Variants in MAN1C1 observed in about 807,000 individuals in gnomAD.
The protein encoded by MAN1C1 is mannosyl-oligosaccharide 1,2-alpha-mannosidase IC.
MAN1C1 carries 49 observed loss-of-function variants against 71.5 expected under a neutral mutation model. The ratio of observed to expected loss-of-function variants is 0.69; its 90% confidence interval spans 0.54 to 0.87. MAN1C1 has a LOEUF of 0.87. MAN1C1 is among the 40% of genes least tolerant of loss of function. The pLI is 0.00. For missense variants in MAN1C1, 743 were observed against 835.0 expected, an observed-to-expected ratio of 0.89 and a Z score of 1.36; for synonymous variants, 352 against 343.7, an observed-to-expected ratio of 1.02 and a Z score of -0.27.
chr1:25,770,594 C>T (rs540749065), intron 7 of MAN1C1, among the ~76,000 whole-genome samples: 18 of 152,302 alleles, frequency 1.2e-4, no homozygotes, highest in African/African-American at 4.3e-4. Context: ...GAAATGGGGC[C>T]GATAGCACCT....
chr1:25,686,417 C>G (rs761624331), intron 1 of MAN1C1, 23 bp from the exon 2 acceptor site: 1 of 1,609,140 alleles, frequency 6.2e-7, no homozygotes, highest in Admixed American at 1.7e-5. Context: ...CTGAGGTTCT[C>G]TCTATGCTGC....
At chr1:25,639,009 A>G (rs1303104938) in intron 1 of MAN1C1, among the ~76,000 whole-genome samples, 1 of 152,102 alleles carries the variant, frequency 6.6e-6, no homozygotes, top group Non-Finnish European at 1.5e-5. Context: ...ATATCATCCT[A>G]GAGGTCACTG....
At chr1:25,743,606 C>G (rs2047089645) in intron 2 of MAN1C1, among the ~76,000 whole-genome samples, 1 of 152,222 alleles carries the variant, frequency 6.6e-6, no homozygotes, top group Non-Finnish European at 1.5e-5. Context: ...ATTCAGGAGC[C>G]TGAGAGCAGG....
At chr1:25,688,652 G>C (rs540342284) in intron 2 of MAN1C1, among the ~76,000 whole-genome samples, 1 of 152,174 alleles carries the variant, frequency 6.6e-6, no homozygotes, top group African/African-American at 2.4e-5. Flanking sequence ...GAAAGAACCC[G>C]GAATTAGAAT....
chr1:25,762,124 TTTC>T (rs1221672703), intron 6 of MAN1C1, among the ~76,000 whole-genome samples: 11,726 of 102,582 alleles, frequency 0.11, 552 homozygotes, highest in African/African-American at 0.2. Flanking sequence ...TTTCTTTTCT[TTTC>T]TTTTTTTTTT....
At chr1:25,747,342 GA>G (rs2047144312) in intron 3 of MAN1C1, among the ~76,000 whole-genome samples, 1 of 152,244 alleles carries the variant, frequency 6.6e-6, no homozygotes, top group Non-Finnish European at 1.5e-5. Flanking sequence ...GAGCCTTTCA[GA>G]GGGAATGGTC....
At position 25,778,014 on chromosome 1, in the gene MAN1C1, G is replaced by A. The variant is rs2047641051; in HGVS notation, c.1258-91G>A. Reference sequence around the variant, plus strand: ...GCTTGGCAGAGCTGCCCTTGCTACTGTCTCCAAAATGTTCATTTTCCATCC... The same window carrying A: ...GCTTGGCAGAGCTGCCCTTGCTACTATCTCCAAAATGTTCATTTTCCATCC... On this transcript the variant is annotated intron_variant, in intron 8 of 11. Transcript: ENST00000374332. The surrounding 1 kb of genome is among the most constrained non-coding windows in gnomAD (Gnocchi z 5.5). The A allele has an allele frequency of 2.0e-6, 2 of 1,009,642 alleles. No homozygotes were observed. Among genetic ancestry groups the A allele is most frequent in the African/African-American group, 1.6e-5 (1 of 61,702 alleles). The allele number at this position is 1,009,642 out of a possible 1,614,324, so 62.5% of individuals were successfully genotyped here. A position where few individuals can be genotyped will look rare whatever the true frequency, so the allele number is the denominator to read the frequency against.
At chr1:25,781,382 T>C in intron 10 of MAN1C1, 3 of 373,852 alleles carry the variant, frequency 8.0e-6, no homozygotes, top group Non-Finnish European at 1.5e-5. Context: ...CTCAGCAAAC[T>C]TAGAGGGTCA....
intron 2 of MAN1C1, among the ~76,000 whole-genome samples, chr1:25,710,375 T>G (rs1248465932): frequency 6.6e-6 from 1 of 151,380 alleles, no homozygotes; most frequent in Non-Finnish European, 1.5e-5. Flanking sequence ...TTCACTGTGC[T>G]TGTTGTTGTT....
intron 1 of MAN1C1, among the ~76,000 whole-genome samples, chr1:25,632,865 A>ATTTTTTTT (rs33924292): frequency 8.8e-6 from 1 of 113,100 alleles, no homozygotes; most frequent in Non-Finnish European, 1.8e-5. Flanking sequence ...TACAATTTTG[A>ATTTTTTTT]TTTTTTTTTT....
At chr1:25,629,592 T>C (rs971327855) in intron 1 of MAN1C1, among the ~76,000 whole-genome samples, 1 of 152,144 alleles carries the variant, frequency 6.6e-6, no homozygotes, top group Non-Finnish European at 1.5e-5. Context: ...GCTGATTTCT[T>C]GTATTTTTAG....
Position 25,781,387 on chromosome 1 carries a change from G to A in MAN1C1, c.1650+275G>A, listed in dbSNP as rs920112105. The A allele has an allele frequency of 1.4e-4, 52 of 365,718 alleles. 1 individual carries two copies. Among genetic ancestry groups the A allele is most frequent in the African/African-American group, 1.0e-3 (48 of 48,094 alleles). 22.7% of individuals were successfully genotyped at this position (365,718 alleles called of 1,614,324 possible). A position where few individuals can be genotyped will look rare whatever the true frequency, so the allele number is the denominator to read the frequency against. On this transcript the variant is annotated intron_variant, in intron 10 of 11. Transcript: ENST00000374332. ...GGGACCAGGCCTCAGCAAACTTAGAGGGTCAGAGGCTAGGCAGCTGCCTAG... is the reference window on the plus strand; with the variant it reads ...GGGACCAGGCCTCAGCAAACTTAGAAGGTCAGAGGCTAGGCAGCTGCCTAG...
intron 1 of MAN1C1, among the ~76,000 whole-genome samples, chr1:25,655,075 G>A (rs763303293): frequency 6.6e-6 from 1 of 152,312 alleles, no homozygotes; most frequent in East Asian, 1.9e-4. Flanking sequence ...ATGTGTGCTT[G>A]TGCTTTTTTA....
intron 1 of MAN1C1, among the ~76,000 whole-genome samples, chr1:25,647,878 G>A (rs776734831): frequency 6.6e-6 from 1 of 152,126 alleles, no homozygotes; most frequent in South Asian, 2.1e-4. Flanking sequence ...TTAGGACCTA[G>A]GGTAGGATAG....
chr1:25,657,719 C>G (rs1277716472), intron 1 of MAN1C1, among the ~76,000 whole-genome samples: 1 of 152,206 alleles, frequency 6.6e-6, no homozygotes, highest in Non-Finnish European at 1.5e-5. Flanking sequence ...ATGACAGGCC[C>G]TGGGAACATG....
Position 25,782,540 on chromosome 1 carries a change from G to A in MAN1C1, c.1651-45G>A. On this transcript the variant is annotated intron_variant, in intron 10 of 11. Coordinates refer to ENST00000374332, the MANE Select transcript of MAN1C1 (RefSeq NM_020379.4). This position sits in a 1 kb window ranked among gnomAD's most constrained non-coding sequence, Gnocchi z 4.4. ...GCACAAGTCTTGAGGGGCCTTTCCT[G>A]TCCCGTGTTAAGGCTGTTTTCCTCC... 7.3e-7 allele frequency: 1 copy of A among 1,366,068 alleles called. No individual in the cohort carries two copies. Among genetic ancestry groups the A allele is most frequent in the Non-Finnish European group, 1.0e-6 (1 of 954,478 alleles). 84.6% of individuals were successfully genotyped at this position (1,366,068 alleles called of 1,614,324 possible).
chr1:25,654,367 G>A (rs2045734098), intron 1 of MAN1C1: 1 of 152,202 alleles, frequency 6.6e-6, no homozygotes, highest in Admixed American at 6.5e-5. Context: ...CTTCCAAAGG[G>A]TAAGGCTTTA....
intron 2 of MAN1C1, among the ~76,000 whole-genome samples, chr1:25,722,263 T>C (rs1015483885): frequency 6.6e-6 from 1 of 151,592 alleles, no homozygotes; most frequent in Non-Finnish European, 1.5e-5. Flanking sequence ...AGTGTAGGTC[T>C]CTTTTCATTC....
At chr1:25,712,442 G>A (rs891705375) in intron 2 of MAN1C1, among the ~76,000 whole-genome samples, 3 of 152,224 alleles carry the variant, frequency 2.0e-5, no homozygotes, top group African/African-American at 7.2e-5. Flanking sequence ...CAGAAGAAGT[G>A]AGTGAGCACA....
Sources: allele counts gnomAD v4.1 joint callset (sites outside exome capture counted in the v4.1 genomes callset), GRCh38; gene constraint gnomAD v4.1.1; non-coding constraint Gnocchi (gnomAD v3.1); transcripts MANE v1.5; gene names NCBI Gene and HGNC (gene_info 2026-07-23, HGNC 2026-07-21).